CCHCR1: variants seen among roughly 807,000 people sequenced by gnomAD.
The protein encoded by CCHCR1 is coiled-coil alpha-helical rod protein 1.
In CCHCR1, 91 loss-of-function variants were observed where a neutral mutation model predicts 114.6. The ratio of observed to expected loss-of-function variants is 0.79; its 90% CI spans 0.67 to 0.94. The LOEUF (loss-of-function observed/expected upper bound fraction) is 0.94. Among genes scored for constraint, CCHCR1 ranks in the 40% least tolerant of loss-of-function variants. CCHCR1 has a pLI of 0.00. For synonymous variants in CCHCR1, 379 were observed against 428.5 expected (o/e 0.88, Z 1.43); for missense variants, 899 against 1,079.9 (o/e 0.83, Z 2.35).
Position 31,143,277 on chromosome 6 carries a change from AT to A in CCHCR1, c.2303del (p.Asp768ValfsTer24). On this transcript the variant is annotated frameshift_variant, in exon 16 of 18. Transcript: ENST00000396268. LOFTEE classifies it high-confidence loss of function. This position sits in a 1 kb window ranked among gnomAD's most constrained non-coding sequence, Gnocchi z 5.3. The stretch of plus-strand genomic sequence containing the variant: ...TGTCTCCTACCAGCATGAGGTTCTT[AT>A]CCCTCTCTAGCTCCTGCAAGCGCCG... The part of the protein sequence containing the change: ...LARRLQELER[D>X]KNLMLATLQQ... The A allele has an allele frequency of 6.2e-7, 1 of 1,612,574 alleles. No individual in the cohort carries two copies. Among genetic ancestry groups the A allele is most frequent in the South Asian group, 1.1e-5 (1 of 91,074 alleles).
rs1775729217 is a variant in CCHCR1, at chr6:31,154,647, T to C, written c.650A>G (p.Glu217Gly). Residue 217 changes from glutamate to glycine, a missense_variant, in exon 4 of 18, where the codon GAG (glutamate) becomes GGG (glycine). By Grantham distance (98) the Glu-to-Gly change is moderately conservative. Coordinates refer to ENST00000396268, the MANE Select transcript of CCHCR1 (RefSeq NM_001105564.2). The surrounding 1 kb of genome is among the most constrained non-coding windows in gnomAD (Gnocchi z 4.1). ...QKMRLEAQAM[E>G]LEALARAEKA... Reference sequence around the variant, plus strand: ...CTCCGCCCGTGCCAGAGCCTCTAGCTCCATGGCCTGGGCCTCTAGCCTCAT... The same window carrying C: ...CTCCGCCCGTGCCAGAGCCTCTAGCCCCATGGCCTGGGCCTCTAGCCTCAT... 6.2e-7 allele frequency: 1 copy of C among 1,612,336 alleles called. No homozygotes were observed.
Position 31,154,769 on chromosome 6 carries a change from C to A in CCHCR1, c.528G>T (p.Leu176=). 6.2e-7 allele frequency: 1 copy of A among 1,605,762 alleles called. No individual in the cohort carries two copies. The highest frequency in any genetic ancestry group is 8.5e-7 in the Non-Finnish European group (1 of 1,179,852). Residue 176 remains leucine (L), a synonymous_variant, in exon 4 of 18, where the codon CTG becomes CTT. Transcript: ENST00000396268. The surrounding 1 kb of genome is among the most constrained non-coding windows in gnomAD (Gnocchi z 4.1). ...GAACGATCACCTCAGCCTGCTGGCTCAGGGCCTGTGACCCCTCCAGCCCCC... is the reference window on the plus strand; with the variant it reads ...GAACGATCACCTCAGCCTGCTGGCTAAGGGCCTGTGACCCCTCCAGCCCCC... ...RSWGLEGSQA[L]SQQAEVIVRQ...
chr6:31,152,463 T>C (rs9263773), intron 4 of CCHCR1, among the ~76,000 whole-genome samples: 83,386 of 151,386 alleles, frequency 0.55, 23,224 homozygotes, highest in Middle Eastern at 0.75. Context: ...CTCACCCTCC[T>C]GAGTAGCTGA....
rs776201381 is a variant in CCHCR1, at chr6:31,148,731, G to C, written c.1363-3C>G. 1 of 1,591,378 alleles carries C rather than the reference G, an allele frequency of 6.3e-7. No individual in the cohort carries two copies. The highest frequency in any genetic ancestry group is 8.6e-7 in the Non-Finnish European group (1 of 1,160,448). ...ACTTTTTCCTGGAGTGAGGCCACCT[G>C]GGGGAGGAGAGAGAGCTAGGCAGGG... is the stretch of plus-strand genomic sequence containing the variant. On this transcript the variant is annotated splice_region_variant and splice_polypyrimidine_tract_variant and intron_variant, in intron 8 of 17. Coordinates refer to ENST00000396268, the MANE Select transcript of CCHCR1 (RefSeq NM_001105564.2).
chr6:31,146,301 C>T (rs1397375020), intron 10 of CCHCR1, among the ~76,000 whole-genome samples: 1 of 152,128 alleles, frequency 6.6e-6, no homozygotes, highest in Non-Finnish European at 1.5e-5. Context: ...GCCAAGATCG[C>T]ACCCCTGCCC....
In CCHCR1 at chr6:31,142,628, G is replaced by T. The variant is rs1272260959; in HGVS notation, c.2580C>A (p.Asp860Glu). 1 of 1,613,512 alleles carries T rather than the reference G, an allele frequency of 6.2e-7. No homozygotes were observed. Among genetic ancestry groups the T allele is most frequent in the East Asian group, 2.2e-5 (1 of 44,880 alleles). Residue 860 changes from aspartate to glutamate, a missense_variant, in exon 18 of 18, where the codon GAC (aspartate) becomes GAA (glutamate). Transcript: ENST00000396268. ...EEAVCQGDNL[D>E]RCSSSNPQMS... ...TCTGGGGATTGGAGCTGGAGCATCT[G>T]TCAAGGTTGTCTCCTTGACAAACAG...
chr6:31,142,531 C>T lies in CCHCR1; in HGVS notation c.*61G>A. 15 of 1,558,398 alleles carry T rather than the reference C, an allele frequency of 9.6e-6. No homozygotes were observed. The highest frequency in any genetic ancestry group is 1.2e-5 in the Non-Finnish European group (14 of 1,141,952). Reference sequence around the variant, plus strand: ...GGATGGGGAAGGGCTGGTCTGTCCCCACCCACTTCTCCAGGATCCTCCCAG... The same window carrying T: ...GGATGGGGAAGGGCTGGTCTGTCCCTACCCACTTCTCCAGGATCCTCCCAG... On this transcript the variant is annotated 3_prime_UTR_variant, in exon 18 of 18. Coordinates refer to ENST00000396268, the MANE Select transcript of CCHCR1 (RefSeq NM_001105564.2).
rs1776076607 is a variant in CCHCR1 at position 31,156,762 on chromosome 6, T to C, written c.466A>G (p.Ser156Gly). ...CTCCGCCCTGGCTCCTGCCTGTCAC[T>C]GGAAACATCCCGTTCCCACATGGTC... is the stretch of plus-strand genomic sequence containing the variant. ...QVTMWERDVS[S>G]DRQEPGRRGR... The change falls in exon 3 of 18, where the codon AGT becomes GGT. Residue 156 changes from serine to glycine, a missense_variant. Ser to Gly is a moderately conservative substitution (Grantham distance 56). Transcript: ENST00000396268. 2 of 1,612,574 alleles carry C rather than the reference T, an allele frequency of 1.2e-6. No homozygotes were observed. Among genetic ancestry groups the C allele is most frequent in the Non-Finnish European group, 1.7e-6 (2 of 1,179,956 alleles).
chr6:31,148,627 C>T lies in CCHCR1; in HGVS notation c.1464G>A (p.Met488Ile). 6.2e-7 allele frequency: 1 copy of T among 1,611,782 alleles called. No individual in the cohort carries two copies. The highest frequency in any genetic ancestry group is 8.5e-7 in the Non-Finnish European group (1 of 1,178,850). The change falls in exon 9 of 18, where the codon ATG (methionine) becomes ATA (isoleucine). Residue 488 changes from methionine (M) to isoleucine (I), a missense_variant. Coordinates refer to ENST00000396268, the MANE Select transcript of CCHCR1 (RefSeq NM_001105564.2). Reference sequence around the variant, plus strand: ...GTAGGCTGACACCAACCTTGGCACCCATACGCTCCACCTCCACCTCTGCGG... The same window carrying T: ...GTAGGCTGACACCAACCTTGGCACCTATACGCTCCACCTCCACCTCTGCGG... Reference protein sequence around the residue: ...DKAAEVEVERMGAKGLQLELS... With the variant: ...DKAAEVEVERIGAKGLQLELS...
chr6:31,148,354 G>T (rs767096669), intron 10 of CCHCR1, 51 bp downstream of exon 10: 47 of 1,182,358 alleles, frequency 4.0e-5, no homozygotes, highest in Non-Finnish European at 5.3e-5. Flanking sequence ...AGGTGCCCAG[G>T]AACCTGAGGT....
chr6:31,142,501 C>T lies in CCHCR1; in HGVS notation c.*91G>A. 7.7e-7 allele frequency: 1 copy of T among 1,301,998 alleles called. No homozygotes were observed. The highest frequency in any genetic ancestry group is 1.1e-6 in the Non-Finnish European group (1 of 934,112). The allele number at this position is 1,301,998 out of a possible 1,614,324, so 80.7% of individuals were successfully genotyped here. On this transcript the variant is annotated 3_prime_UTR_variant, in exon 18 of 18. Transcript: ENST00000396268. ...ACTCAGCTGGTATCCCCCAGGGCAA[C>T]CCCAGGATGGGGAAGGGCTGGTCTG... is the stretch of plus-strand genomic sequence containing the variant.
Position 31,143,486 on chromosome 6 carries a change from G to C in CCHCR1, c.2168-73C>G. The C allele has an allele frequency of 6.5e-7, 1 of 1,533,710 alleles. No homozygotes were observed. Among genetic ancestry groups the C allele is most frequent in the South Asian group, 1.2e-5 (1 of 86,026 alleles). ...AGGCAGCCAGGCACCATGAAGACAG[G>C]AACAAACGCTGGGTCACCAACTCTG... On this transcript the variant is annotated intron_variant, in intron 15 of 17. Coordinates refer to ENST00000396268, the MANE Select transcript of CCHCR1 (RefSeq NM_001105564.2). The surrounding 1 kb of genome is among the most constrained non-coding windows in gnomAD (Gnocchi z 5.3).
intron 10 of CCHCR1, among the ~76,000 whole-genome samples, 164 bp from the exon 11 acceptor site, chr6:31,145,972 A>G (rs1774274118): frequency 6.6e-6 from 1 of 152,208 alleles, no homozygotes; most frequent in Admixed American, 6.5e-5. Flanking sequence ...GAATGCATTA[A>G]ATGACTATCT....
Position 31,150,938 on chromosome 6 carries a change from C to G in CCHCR1, c.965+21G>C, listed in dbSNP as rs1211930059. The G allele has an allele frequency of 6.2e-7, 1 of 1,611,736 alleles. No homozygotes were observed. Among genetic ancestry groups the G allele is most frequent in the South Asian group, 1.1e-5 (1 of 90,984 alleles). ...ACCACATCACTAATTGCTGGGCTCCCGTCGGCGTCCGCCCACCTACCTCAG... is the reference window on the plus strand; with the variant it reads ...ACCACATCACTAATTGCTGGGCTCCGGTCGGCGTCCGCCCACCTACCTCAG... On this transcript the variant is annotated intron_variant, in intron 5 of 17. Transcript: ENST00000396268. This position sits in a 1 kb window ranked among gnomAD's most constrained non-coding sequence, Gnocchi z 5.3.
At chr6:31,157,916 C>A, upstream of CCHCR1, 1 of 439,458 alleles carries the variant, frequency 2.3e-6, no homozygotes. Flanking sequence ...TGGTCCTGAC[C>A]CTCACCCCCA....
Position 31,151,681 on chromosome 6 carries a change from C to A in CCHCR1, c.802-559G>T, listed in dbSNP as rs1775250636. Among the ~76,000 whole-genome samples, 1 of 152,232 alleles carries A rather than the reference C, an allele frequency of 6.6e-6. No individual in the cohort carries two copies. On this transcript the variant is annotated intron_variant, in intron 4 of 17. Transcript: ENST00000396268. This position sits in a 1 kb window ranked among gnomAD's most constrained non-coding sequence, Gnocchi z 4.1. ...ACCCTACTCTGCCCCATCAGCTGTT[C>A]ACGTCCTCCTGAGCACTTAGCACTG...
In CCHCR1 at chr6:31,151,585, G is replaced by A. The variant is rs967374589; in HGVS notation, c.802-463C>T. Among the ~76,000 whole-genome samples the A allele has an allele frequency of 1.6e-4, 25 of 152,160 alleles. No homozygotes were observed. The highest frequency in any genetic ancestry group is 2.9e-4 in the Non-Finnish European group (20 of 68,028). On this transcript the variant is annotated intron_variant, in intron 4 of 17. Transcript: ENST00000396268. The surrounding 1 kb of genome is among the most constrained non-coding windows in gnomAD (Gnocchi z 4.1). ...GAGAACCAGACAGCGGCCCCTCCTTGCTCCACAGACCCCAGGCGATAGCCC... is the reference window on the plus strand; with the variant it reads ...GAGAACCAGACAGCGGCCCCTCCTTACTCCACAGACCCCAGGCGATAGCCC...
intron 4 of CCHCR1, among the ~76,000 whole-genome samples, chr6:31,153,336 G>C (rs147307007): frequency 6.6e-5 from 10 of 151,950 alleles, no homozygotes; most frequent in Non-Finnish European, 1.2e-4. Context: ...TTGGATTGCT[G>C]GTCTTTCCCT....
Position 31,156,684 on chromosome 6 carries a change from G to C in CCHCR1, c.497+47C>G, listed in dbSNP as rs1776060457. On this transcript the variant is annotated intron_variant, in intron 3 of 17. Coordinates refer to ENST00000396268, the MANE Select transcript of CCHCR1 (RefSeq NM_001105564.2). ...TAAGGAGTTTATTCCAGTGAGGAAG[G>C]GTCACTAGCAAGCAAGCCTGAGAAA... 4.0e-6 allele frequency: 6 copies of C among 1,504,728 alleles called. No individual in the cohort carries two copies. In the South Asian group the frequency reaches 4.7e-5, roughly 12 times the overall value. 93.2% of individuals were successfully genotyped at this position (1,504,728 alleles called of 1,614,324 possible).
Sources: gnomAD v4.1 joint callset for allele counts (sites outside exome capture counted in the v4.1 genomes callset) on GRCh38, gnomAD v4.1.1 for gene constraint, Gnocchi (gnomAD v3.1) non-coding constraint, MANE v1.5 for transcripts, NCBI Gene and HGNC (gene_info 2026-07-23, HGNC 2026-07-21) for gene names.